The following CRYZL1 variants were observed in gnomAD, a reference collection of about 807,000 sequenced individuals.
The protein encoded by CRYZL1 is crystallin zeta like 1.
A neutral mutation model predicts 50.6 loss-of-function variants in CRYZL1; 34 were observed. That is an observed-to-expected ratio of 0.67 (90% CI 0.51 to 0.89). CRYZL1 has a LOEUF of 0.89. CRYZL1 is among the 40% of genes least tolerant of loss of function. CRYZL1 has a pLI of 0.00. For synonymous variants in CRYZL1, 125 were observed against 134.3 expected (o/e 0.93, Z 0.48); for missense variants, 354 against 402.3 (o/e 0.88, Z 1.03).
chr21:33,627,262 C>T (rs923081140), intron 2 of CRYZL1, among the ~76,000 whole-genome samples: 1 of 152,102 alleles, frequency 6.6e-6, no homozygotes, highest in African/African-American at 2.4e-5. Flanking sequence ...TGCCACCATG[C>T]CCAGCTAATT....
At chr21:33,618,787 T>C (rs2086964190) in intron 4 of CRYZL1, among the ~76,000 whole-genome samples, 1 of 152,232 alleles carries the variant, frequency 6.6e-6, no homozygotes. Flanking sequence ...TGCTGATCCC[T>C]GTCCTCCTAA....
At chr21:33,640,836 A>ATTCTTT (rs1157299010) in intron 1 of CRYZL1, among the ~76,000 whole-genome samples, 9 of 152,234 alleles carry the variant, frequency 5.9e-5, no homozygotes, top group African/African-American at 2.2e-4. Context: ...TGAAGATTTA[A>ATTCTTT]TTTTGAAGAA....
Position 33,613,245 on chromosome 21 carries a change from T to G in CRYZL1, c.331+293A>C, listed in dbSNP as rs149869441. On this transcript the variant is annotated intron_variant, in intron 6 of 12. Coordinates refer to ENST00000381554, the MANE Select transcript of CRYZL1 (RefSeq NM_145858.3). Reference sequence around the variant, plus strand: ...AAAAAAATTTTTAATTCTGATTAGGTATATAATTTAAGAGCCAAGAGAGAA... The same window carrying G: ...AAAAAAATTTTTAATTCTGATTAGGGATATAATTTAAGAGCCAAGAGAGAA... Among the ~76,000 whole-genome samples the G allele has an allele frequency of 5.0e-3, 761 of 152,340 alleles. 6 individuals carry two copies. The highest frequency in any genetic ancestry group is 0.014 in the African/African-American group (593 of 41,572).
chr21:33,627,475 T>C (rs2087080879), intron 2 of CRYZL1, among the ~76,000 whole-genome samples: 3 of 152,332 alleles, frequency 2.0e-5, no homozygotes, highest in Non-Finnish European at 2.9e-5. Context: ...ATAATTATTA[T>C]GAAATACTGA....
intron 1 of CRYZL1, chr21:33,641,178 C>T (rs2087313503): frequency 1.5e-5 from 24 of 1,550,434 alleles, no homozygotes; most frequent in Non-Finnish European, 2.1e-5. Context: ...GCGATGCTTA[C>T]ATCTCGCTCC....
chr21:33,597,067 A>C (rs2086701918), intron 10 of CRYZL1, among the ~76,000 whole-genome samples: 1 of 151,542 alleles, frequency 6.6e-6, no homozygotes, highest in African/African-American at 2.4e-5. Flanking sequence ...ATGGGGTTTC[A>C]CCATGTTGGC....
chr21:33,630,611 T>C (rs895895075), intron 2 of CRYZL1, among the ~76,000 whole-genome samples: 3 of 151,122 alleles, frequency 2.0e-5, no homozygotes, highest in Non-Finnish European at 4.4e-5. Context: ...AAAAGAACTA[T>C]CATTTAATCC....
chr21:33,594,710 T>G (rs1402964932), intron 11 of CRYZL1: 1 of 148,672 alleles, frequency 6.7e-6, no homozygotes, highest in Non-Finnish European at 1.5e-5. Flanking sequence ...TAGTGCAATC[T>G]TGGCTCACTG....
chr21:33,625,507 A>G (rs1171085111), intron 2 of CRYZL1, among the ~76,000 whole-genome samples: 1 of 151,946 alleles, frequency 6.6e-6, no homozygotes, highest in African/African-American at 2.4e-5. Context: ...GTTTTGAGAC[A>G]GGGTCTCACT....
intron 5 of CRYZL1, among the ~76,000 whole-genome samples, chr21:33,615,114 C>T (rs529486135): frequency 4.6e-4 from 70 of 151,338 alleles, no homozygotes; most frequent in African/African-American, 1.5e-3. Flanking sequence ...ATAATTTTAA[C>T]GCTATAAGGC....
chr21:33,630,323 T>G (rs1355203296), intron 2 of CRYZL1, among the ~76,000 whole-genome samples: 1 of 152,210 alleles, frequency 6.6e-6, no homozygotes, highest in African/African-American at 2.4e-5. Flanking sequence ...CAGTGGCTCA[T>G]GCCTATAATC....
At chr21:33,637,968 T>C (rs1442577444) in intron 1 of CRYZL1, among the ~76,000 whole-genome samples, 5 of 151,624 alleles carry the variant, frequency 3.3e-5, no homozygotes, top group African/African-American at 1.2e-4. Flanking sequence ...GCTGGATTGT[T>C]AGGGGGAAAT....
At position 33,606,802 on chromosome 21, in the gene CRYZL1, G is replaced by A. The variant is rs747121771; in HGVS notation, c.332-3265C>T. ...AGACAGGCAGAGCACCTGAGGTCAG[G>A]AGTTCAAGACCAGCCTGACCAACAT... On this transcript the variant is annotated intron_variant, in intron 6 of 12. Coordinates refer to ENST00000381554, the MANE Select transcript of CRYZL1 (RefSeq NM_145858.3). Among the ~76,000 whole-genome samples, 27 of 152,080 alleles carry A rather than the reference G, an allele frequency of 1.8e-4. 1 individual carries two copies. The highest frequency in any genetic ancestry group is 1.4e-3 in the Admixed American group (22 of 15,244).
At chr21:33,624,841 C>T in intron 2 of CRYZL1, 81 bp from the exon 3 acceptor site, 1 of 1,501,936 alleles carries the variant, frequency 6.7e-7, no homozygotes, top group Non-Finnish European at 8.8e-7. Context: ...AAAATTTTTA[C>T]ATGTAATTAA....
chr21:33,624,659 G>A (rs2087039541), intron 3 of CRYZL1, 24 bp downstream of exon 3: 1 of 1,604,212 alleles, frequency 6.2e-7, no homozygotes, highest in Non-Finnish European at 8.5e-7. Context: ...ATTTTACTTT[G>A]TGCCATAATA....
rs1167233988 is a variant in CRYZL1, at chr21:33,593,204, T to A, written c.905-1997A>T. ...TCACTGCAAGCTCCGCCTCCTGGGTTCATGCCATTCTCCTGCCTCAGCCTC... is the reference window on the plus strand; with the variant it reads ...TCACTGCAAGCTCCGCCTCCTGGGTACATGCCATTCTCCTGCCTCAGCCTC... On this transcript the variant is annotated intron_variant, in intron 11 of 12. Coordinates refer to ENST00000381554, the MANE Select transcript of CRYZL1 (RefSeq NM_145858.3). Among the ~76,000 whole-genome samples, 7 of 152,160 alleles carry A rather than the reference T, an allele frequency of 4.6e-5. No homozygotes were observed. In the East Asian group the frequency reaches 1.4e-3, roughly 30 times the overall value.
Position 33,597,406 on chromosome 21 carries a change from C to T in CRYZL1, c.677-5G>A. Reference sequence around the variant, plus strand: ...CATCTTTACTATATAATCTCACTTGCAAGGGAATAGTTTTAAAAAAAGAGA... The same window carrying T: ...CATCTTTACTATATAATCTCACTTGTAAGGGAATAGTTTTAAAAAAAGAGA... On this transcript the variant is annotated splice_polypyrimidine_tract_variant and splice_region_variant and intron_variant, in intron 9 of 12. Transcript: ENST00000381554. 6.4e-7 allele frequency: 1 copy of T among 1,559,624 alleles called. No individual in the cohort carries two copies.
At chr21:33,593,982 C>CAAAA (rs1167158360) in intron 11 of CRYZL1, among the ~76,000 whole-genome samples, 4 of 48,910 alleles carry the variant, frequency 8.2e-5, no homozygotes, top group Non-Finnish European at 1.0e-4. Context: ...GACTCTGTCT[C>CAAAA]AAAAAAAAAA....
intron 8 of CRYZL1, 154 bp from the exon 9 acceptor site, chr21:33,599,402 T>C (rs1458093960): frequency 1.5e-5 from 16 of 1,047,442 alleles, no homozygotes; most frequent in Non-Finnish European, 2.1e-5. Flanking sequence ...AGAAAGTCAA[T>C]TTAAATTATA....
Sources: allele counts gnomAD v4.1 joint callset (sites outside exome capture counted in the v4.1 genomes callset), GRCh38; gene constraint gnomAD v4.1.1; transcripts MANE v1.5; gene names NCBI Gene and HGNC (gene_info 2026-07-23, HGNC 2026-07-21).